The following PLLP variants were observed in gnomAD, a reference collection of about 807,000 sequenced individuals.
PLLP encodes plasma membrane proteolipid (plasmolipin).
In PLLP, 15 loss-of-function variants were observed where a neutral mutation model predicts 19.7. That is an observed-to-expected ratio of 0.76 (90% CI 0.51 to 1.17). PLLP has a LOEUF of 1.17. PLLP is among the 50% of genes most tolerant of loss of function. The probability of loss-of-function intolerance (pLI) is 0.00; values close to 1 mark genes in which losing one functional copy is unlikely to be tolerated. For synonymous variants in PLLP, 111 were observed against 116.3 expected, an observed-to-expected ratio of 0.95 and a Z score of 0.29; for missense variants, 255 against 258.3, an observed-to-expected ratio of 0.99 and a Z score of 0.09.
chr16:57,268,882 C>T (rs73553060), intron 1 of PLLP, among the ~76,000 whole-genome samples: 1,541 of 152,288 alleles, frequency 0.01, 29 homozygotes, highest in African/African-American at 0.035. Context: ...TTCCTGCATT[C>T]GCCACGGTGT....
chr16:57,278,852 G>A (rs1031873473), intron 1 of PLLP, among the ~76,000 whole-genome samples: 1 of 152,186 alleles, frequency 6.6e-6, no homozygotes, highest in African/African-American at 2.4e-5. Context: ...GGAGACCAGA[G>A]TTGGCTTTCA....
At chr16:57,281,504 T>TTTTTTTTTATTTC (rs1901217928) in intron 1 of PLLP, among the ~76,000 whole-genome samples, 1 of 138,978 alleles carries the variant, frequency 7.2e-6, no homozygotes, top group Non-Finnish European at 1.5e-5. Context: ...ACAAGCAGAT[T>TTTTTTTTTATTTC]TTTTTTTTAT....
chr16:57,272,016 T>C (rs1194317672), intron 1 of PLLP, among the ~76,000 whole-genome samples: 1 of 152,134 alleles, frequency 6.6e-6, no homozygotes, highest in Non-Finnish European at 1.5e-5. Context: ...AGGAAGGCCT[T>C]ACCCTCCTTG....
rs564074642 is a variant in PLLP, at chr16:57,256,404, T to C, written c.*509A>G. The C allele has an allele frequency of 4.3e-6, 1 of 230,364 alleles. No individual in the cohort carries two copies. Among genetic ancestry groups the C allele is most frequent in the African/African-American group, 2.2e-5 (1 of 44,554 alleles). 14.3% of individuals were successfully genotyped at this position (230,364 alleles called of 1,614,324 possible). ...CATGCTGTCAGCAATCAACCCACTTTTTACAGGTTGGCTCCAGGGAGAGGT... is the reference window on the plus strand; with the variant it reads ...CATGCTGTCAGCAATCAACCCACTTCTTACAGGTTGGCTCCAGGGAGAGGT... On this transcript the variant is annotated 3_prime_UTR_variant, in exon 4 of 4. Coordinates refer to ENST00000219207, the MANE Select transcript of PLLP (RefSeq NM_015993.3).
chr16:57,263,546 C>T (rs182700813), intron 1 of PLLP, among the ~76,000 whole-genome samples: 1 of 152,364 alleles, frequency 6.6e-6, no homozygotes, highest in Non-Finnish European at 1.5e-5. Flanking sequence ...CTGGACTGCA[C>T]AGGCCCCAGC....
intron 3 of PLLP, 108 bp from the exon 4 acceptor site, chr16:57,257,137 C>T: frequency 1.3e-6 from 1 of 754,494 alleles, no homozygotes; most frequent in Non-Finnish European, 2.4e-6. Flanking sequence ...CACCATCTCA[C>T]ACTTAGCCAG....
chr16:57,256,804 C>G lies in PLLP; in HGVS notation c.*109G>C, dbSNP rs553043755. ...GGGCAGAGAGGAGCAAATGCAGTCC[C>G]TGTTGGGCTGACTCCACGCAGGGCT... On this transcript the variant is annotated 3_prime_UTR_variant, in exon 4 of 4. Coordinates refer to ENST00000219207, the MANE Select transcript of PLLP (RefSeq NM_015993.3). 2 of 724,020 alleles carry G rather than the reference C, an allele frequency of 2.8e-6. No homozygotes were observed. Among genetic ancestry groups the G allele is most frequent in the African/African-American group, 3.5e-5 (2 of 57,904 alleles). 44.8% of individuals were successfully genotyped at this position (724,020 alleles called of 1,614,324 possible).
Position 57,256,925 on chromosome 16 carries a change from G to A in PLLP, c.537C>T (p.Gly179=), listed in dbSNP as rs750896722. 18 of 1,609,760 alleles carry A rather than the reference G, an allele frequency of 1.1e-5. No homozygotes were observed. Among genetic ancestry groups the A allele is most frequent in the Admixed American group, 3.3e-5 (2 of 60,008 alleles). The change falls in exon 4 of 4, where the codon GGC becomes GGT. Residue 179 remains glycine, a synonymous_variant. Transcript: ENST00000219207. ...TGGCACAGGTGGTTTAGGCATAGCC[G>A]CCAGCCATCTGACTGGTGGCCGCAT... ...GSNAATSQMA[G]GYA
At chr16:57,258,182 GA>G (rs1397527892) in intron 3 of PLLP, among the ~76,000 whole-genome samples, 4 of 152,166 alleles carry the variant, frequency 2.6e-5, no homozygotes, top group Non-Finnish European at 5.9e-5. Flanking sequence ...AGTGAGCTGA[GA>G]TCACGTCACC....
At chr16:57,271,336 G>A (rs923128463) in intron 1 of PLLP, among the ~76,000 whole-genome samples, 3 of 151,902 alleles carry the variant, frequency 2.0e-5, no homozygotes, top group African/African-American at 7.3e-5. Context: ...TGAGGTCCCC[G>A]CTTAGGGCTT....
chr16:57,277,563 C>T (rs756985847), intron 1 of PLLP, among the ~76,000 whole-genome samples: 1 of 152,098 alleles, frequency 6.6e-6, no homozygotes, highest in East Asian at 1.9e-4. Context: ...TGCACTCCAG[C>T]CTGGGTGACA....
rs1228492154 is a variant in PLLP at position 57,281,567 on chromosome 16, G to A, written c.135+2839C>T. Among the ~76,000 whole-genome samples the A allele has an allele frequency of 6.2e-5, 9 of 144,426 alleles. No homozygotes were observed. The East Asian group carries it at 1.2e-3, about 20-fold the overall frequency. 94.7% of individuals were successfully genotyped at this position (144,426 alleles called of 152,430 possible). On this transcript the variant is annotated intron_variant, in intron 1 of 3. Coordinates refer to ENST00000219207, the MANE Select transcript of PLLP (RefSeq NM_015993.3). ...TTTCTGTCTCCCAGGCTGGAGTGCC[G>A]TGGCGCCATCTCGGCTCACTGCAAG...
intron 1 of PLLP, among the ~76,000 whole-genome samples, chr16:57,266,299 G>A (rs188169377): frequency 1.2e-4 from 19 of 152,248 alleles, no homozygotes; most frequent in Admixed American, 9.8e-4. Flanking sequence ...GGGAATTTCT[G>A]GCGTTCTTTC....
intron 1 of PLLP, among the ~76,000 whole-genome samples, chr16:57,266,798 G>A (rs1456339902): frequency 6.7e-6 from 1 of 149,984 alleles, no homozygotes; most frequent in African/African-American, 2.5e-5. Flanking sequence ...TCCCTGCCAT[G>A]CCTCCCCAGA....
intron 2 of PLLP, among the ~76,000 whole-genome samples, chr16:57,260,152 G>C (rs2075437888): frequency 6.6e-6 from 1 of 152,072 alleles, no homozygotes; most frequent in Admixed American, 6.6e-5. Context: ...GATCCTGTAG[G>C]GGTCTGTAGC....
At chr16:57,274,879 A>G (rs1289469142) in intron 1 of PLLP, among the ~76,000 whole-genome samples, 1 of 152,018 alleles carries the variant, frequency 6.6e-6, no homozygotes. Context: ...CTCCTGCCTC[A>G]GCCTCCCGAG....
chr16:57,263,091 C>T (rs765349445), intron 1 of PLLP, among the ~76,000 whole-genome samples: 16 of 152,190 alleles, frequency 1.1e-4, no homozygotes, highest in East Asian at 1.9e-4. Flanking sequence ...GTCCCAGAGG[C>T]GGGAAGACAA....
At chr16:57,265,856 A>G (rs1298818971) in intron 1 of PLLP, among the ~76,000 whole-genome samples, 1 of 152,040 alleles carries the variant, frequency 6.6e-6, no homozygotes, top group Non-Finnish European at 1.5e-5. Flanking sequence ...GGAAAACCCC[A>G]TCTCTACCAA....
intron 1 of PLLP, among the ~76,000 whole-genome samples, chr16:57,263,061 A>G (rs2075446791): frequency 6.6e-6 from 1 of 152,222 alleles, no homozygotes; most frequent in Non-Finnish European, 1.5e-5. Flanking sequence ...AGCTGCTGAA[A>G]GGAAGATCAA....
Sources: gnomAD v4.1 joint callset for allele counts (sites outside exome capture counted in the v4.1 genomes callset) on GRCh38, gnomAD v4.1.1 for gene constraint, MANE v1.5 for transcripts, NCBI Gene and HGNC (gene_info 2026-07-23, HGNC 2026-07-21) for gene names.